The following AFF2 variants were observed in gnomAD, a reference collection of about 807,000 sequenced individuals.
AFF2 encodes the protein AF4/FMR2 family member 2.
AFF2 carries 14 observed loss-of-function variants against 76.9 expected under a neutral mutation model. That is an observed-to-expected ratio of 0.18 (90% CI 0.12 to 0.28). The LOEUF (loss-of-function observed/expected upper bound fraction) is 0.28. AFF2 is among the 10% of genes least tolerant of loss of function. The pLI, the probability that AFF2 is intolerant of heterozygous loss-of-function variation, is 1.00. For synonymous variants in AFF2, 398 were observed against 366.7 expected (o/e 1.09, Z -0.98); for missense variants, 868 against 1,001.1 (o/e 0.87, Z 1.79).
chrX:148,614,722 TTTC>T (rs1557249987), intron 1 of AFF2, among the ~76,000 whole-genome samples: 18 of 82,012 alleles, frequency 2.2e-4, no homozygotes, highest in African/African-American at 5.1e-4. Context: ...TCTTTCTTTC[TTTC>T]TTTCTTTCCT....
chrX:148,712,932 C>T (rs1207907397), intron 3 of AFF2, among the ~76,000 whole-genome samples: 3 of 111,456 alleles, frequency 2.7e-5, no homozygotes, highest in Admixed American at 1.9e-4. Flanking sequence ...ATGACAAGTG[C>T]TATTAAAAAC....
chrX:148,627,452 G>A lies in AFF2; in HGVS notation c.48-24547G>A, dbSNP rs142942410. On this transcript the variant is annotated intron_variant, in intron 1 of 20. Coordinates refer to ENST00000370460, the MANE Select transcript of AFF2 (RefSeq NM_002025.4). ...GCCCAGGCACAGAATGTAGAGGACA[G>A]AGGAGTGAGGGGCAAATTTAGGAGA... Among the ~76,000 whole-genome samples, 675 of 112,216 alleles carry A rather than the reference G, an allele frequency of 6.0e-3. 6 individuals are homozygous for A. The highest frequency in any genetic ancestry group is 0.021 in the African/African-American group (641 of 30,939).
At chrX:148,563,127 G>A (rs1369656139) in intron 1 of AFF2, among the ~76,000 whole-genome samples, 10 of 111,325 alleles carry the variant, frequency 9.0e-5, no homozygotes, top group African/African-American at 2.6e-4. Context: ...CCTGAGGCAG[G>A]GACATGCCTG....
At chrX:148,706,103 C>T (rs1557262372) in intron 3 of AFF2, among the ~76,000 whole-genome samples, 1 of 112,077 alleles carries the variant, frequency 8.9e-6, no homozygotes, top group African/African-American at 3.2e-5. Flanking sequence ...TTTATTCTAG[C>T]TTCTGATATC....
rs189482335 is a variant in AFF2 at position 148,795,201 on chromosome X, A to G, written c.1042-14675A>G. ...GATATTCTTTATATCATCCTCATAT[A>G]TAAATTCCCTCATTCCCCTTTGTTT... On this transcript the variant is annotated intron_variant, in intron 3 of 20. Transcript: ENST00000370460. Among the ~76,000 whole-genome samples, 15 of 111,692 alleles carry G rather than the reference A, an allele frequency of 1.3e-4. 1 individual carries two copies. The highest frequency in any genetic ancestry group is 4.5e-4 in the African/African-American group (14 of 30,792).
intron 1 of AFF2, among the ~76,000 whole-genome samples, chrX:148,541,548 T>G (rs1156544449): frequency 9.0e-6 from 1 of 111,435 alleles, no homozygotes; most frequent in African/African-American, 3.3e-5. Context: ...TCCACCACTT[T>G]CTCTCCTTAC....
intron 3 of AFF2, among the ~76,000 whole-genome samples, chrX:148,720,255 G>T (rs181693800): frequency 2.1e-4 from 23 of 110,276 alleles, no homozygotes; most frequent in East Asian, 8.7e-4. Context: ...TAGAAATGTA[G>T]GTCTAGTTTT....
intron 3 of AFF2, among the ~76,000 whole-genome samples, chrX:148,718,643 C>T (rs139704029): frequency 2.7e-5 from 3 of 111,828 alleles, no homozygotes; most frequent in African/African-American, 6.5e-5. Flanking sequence ...AACATAAAAG[C>T]GGTTATCAAG....
intron 1 of AFF2, among the ~76,000 whole-genome samples, chrX:148,622,314 G>A (rs1350553139): frequency 8.9e-6 from 1 of 111,743 alleles, no homozygotes; most frequent in Non-Finnish European, 1.9e-5. Flanking sequence ...AAAATTGTGG[G>A]AGTTGGCACA....
intron 1 of AFF2, among the ~76,000 whole-genome samples, chrX:148,585,840 CAAAAAAAAAAA>C (rs1194523651): frequency 3.9e-5 from 1 of 25,547 alleles, no homozygotes; most frequent in Non-Finnish European, 7.0e-5. Context: ...GACTGCGTCT[CAAAAAAAAAAA>C]AAAAAAGAAA....
chrX:148,975,497 A>G (rs948757076), intron 16 of AFF2, among the ~76,000 whole-genome samples: 19 of 112,054 alleles, frequency 1.7e-4, no homozygotes, highest in Admixed American at 1.3e-3. Flanking sequence ...GCACACTACA[A>G]TTATGATCAT....
chrX:148,978,863 C>CGT (rs2072358480), intron 18 of AFF2, among the ~76,000 whole-genome samples: 1 of 111,847 alleles, frequency 8.9e-6, no homozygotes, highest in Non-Finnish European at 1.9e-5. Context: ...TCTATGTGCA[C>CGT]GTCCACAACC....
At chrX:148,833,473 G>A (rs1313306787) in intron 4 of AFF2, among the ~76,000 whole-genome samples, 5 of 109,806 alleles carry the variant, frequency 4.6e-5, no homozygotes, top group Non-Finnish European at 9.5e-5. Flanking sequence ...ATGGTGGCAC[G>A]CACCTGTAGT....
rs782620781 is a variant in AFF2, at chrX:148,697,329, A to T, written c.1041+34561A>T. Among the ~76,000 whole-genome samples the T allele has an allele frequency of 9.8e-5, 11 of 112,660 alleles. No homozygotes were observed. The South Asian group carries it at 4.0e-3, about 41-fold the overall frequency. ...TACCCCATTTAAATACAATCCTTTGATTTGATGGCCAACTGAGGGTTATAA... is the reference window on the plus strand; with the variant it reads ...TACCCCATTTAAATACAATCCTTTGTTTTGATGGCCAACTGAGGGTTATAA... On this transcript the variant is annotated intron_variant, in intron 3 of 20. Coordinates refer to ENST00000370460, the MANE Select transcript of AFF2 (RefSeq NM_002025.4).
rs1431960016 is a variant in AFF2, at chrX:148,646,856, G to A, written c.48-5143G>A. 4.5e-5 allele frequency among the ~76,000 whole-genome samples: 5 copies of A among 111,745 alleles called. No individual in the cohort carries two copies. The Admixed American group carries it at 4.7e-4, about 11-fold the overall frequency. On this transcript the variant is annotated intron_variant, in intron 1 of 20. Transcript: ENST00000370460. ...TCTTTTGCACACCTCCAGATCCAAG[G>A]TTCTTGTGTTTTTACTCTATATGTG...
chrX:148,783,223 CA>C (rs1241813198), intron 3 of AFF2, among the ~76,000 whole-genome samples: 1 of 111,693 alleles, frequency 9.0e-6, no homozygotes, highest in African/African-American at 3.3e-5. Flanking sequence ...AACACATACA[CA>C]AAAACAAAAC....
intron 4 of AFF2, among the ~76,000 whole-genome samples, chrX:148,819,867 T>A (rs1273028914): frequency 3.6e-5 from 4 of 111,741 alleles, no homozygotes; most frequent in African/African-American, 1.3e-4. Flanking sequence ...CACGATTTAT[T>A]GAAAAGATTG....
intron 15 of AFF2, 84 bp from the exon 16 acceptor site, chrX:148,973,387 A>C (rs1557289758): frequency 1.8e-6 from 2 of 1,125,769 alleles, no homozygotes; most frequent in Non-Finnish European, 2.4e-6. Flanking sequence ...AAGGGGGCAA[A>C]ACTACCCCCC....
chrX:148,953,757 G>A lies in AFF2; in HGVS notation c.1557+18G>A. ...CTCCAGAGGTGAGTGAAGGTGCCAG[G>A]GCCCTAACCATGATCTGCCTGTCCC... On this transcript the variant is annotated intron_variant, in intron 10 of 20. Transcript: ENST00000370460. The A allele has an allele frequency of 1.7e-6, 2 of 1,188,599 alleles. No individual in the cohort carries two copies. The highest frequency in any genetic ancestry group is 1.9e-5 in the South Asian group (1 of 53,570).
Sources: gnomAD v4.1 joint callset for allele counts (sites outside exome capture counted in the v4.1 genomes callset) on GRCh38, gnomAD v4.1.1 for gene constraint, MANE v1.5 for transcripts, NCBI Gene and HGNC (gene_info 2026-07-23, HGNC 2026-07-21) for gene names.